The following TRPS1 variants were observed in gnomAD, a reference collection of about 807,000 sequenced individuals.
The protein encoded by TRPS1 is transcriptional repressor GATA binding 1.
In TRPS1, 6 loss-of-function variants were observed where a neutral mutation model predicts 101.2. The observed-to-expected ratio is 0.06, with a 90% CI of 0.03 to 0.12. TRPS1 has a LOEUF of 0.12. TRPS1 is among the 10% of genes least tolerant of loss of function. The pLI is 1.00. For missense variants in TRPS1, 1,363 were observed against 1,567.0 expected (o/e 0.87, Z 2.20); for synonymous variants, 578 against 589.8 (o/e 0.98, Z 0.29).
At chr8:115,485,079 C>T (rs552124177) in intron 5 of TRPS1, among the ~76,000 whole-genome samples, 2 of 152,178 alleles carry the variant, frequency 1.3e-5, no homozygotes, top group African/African-American at 4.8e-5. Context: ...GTTGACCTTA[C>T]AACAGGAGGT....
At chr8:115,478,113 A>T (rs930994201) in intron 5 of TRPS1, among the ~76,000 whole-genome samples, 2 of 152,208 alleles carry the variant, frequency 1.3e-5, no homozygotes, top group African/African-American at 2.4e-5. Flanking sequence ...ATGCTGATTT[A>T]AAATTCTGAT....
intron 4 of TRPS1, among the ~76,000 whole-genome samples, chr8:115,599,268 C>T (rs1024679378): frequency 6.6e-6 from 1 of 151,880 alleles, no homozygotes; most frequent in Non-Finnish European, 1.5e-5. Context: ...TTTTAAGTTT[C>T]GAGAGTTATA....
intron 5 of TRPS1, among the ~76,000 whole-genome samples, chr8:115,510,104 G>A (rs1815545389): frequency 6.6e-6 from 1 of 151,820 alleles, no homozygotes; most frequent in South Asian, 2.1e-4. Context: ...AAATCTCCTG[G>A]ATTCAAATTA....
rs1429630092 is a variant in TRPS1 at position 115,414,502 on chromosome 8, C to T, written c.3406G>A (p.Gly1136Arg). 30 of 1,613,844 alleles carry T rather than the reference C, an allele frequency of 1.9e-5. No homozygotes were observed. Among genetic ancestry groups the T allele is most frequent in the Non-Finnish European group, 2.4e-5 (28 of 1,179,938 alleles). ...ACGTGACTCAAGTAGTGCGGATTCC[C>T]AGGAACGGAGAGCTTATATTTACTC... is the stretch of plus-strand genomic sequence containing the variant. ...FWSKYKLSVP[G>R]NPHYLSHVPG... is the part of the protein sequence containing the mutation. Residue 1136 changes from glycine to arginine, a missense_variant, in exon 7 of 7, where the codon GGG becomes AGG. Transcript: ENST00000395715. The surrounding 1 kb of genome is among the most constrained non-coding windows in gnomAD (Gnocchi z 4.8).
At chr8:115,495,976 C>T (rs1415868536) in intron 5 of TRPS1, among the ~76,000 whole-genome samples, 1 of 152,120 alleles carries the variant, frequency 6.6e-6, no homozygotes, top group Non-Finnish European at 1.5e-5. Context: ...CCAATTGTCA[C>T]TTTATATTAA....
At chr8:115,513,836 T>C (rs1815643724) in intron 5 of TRPS1, among the ~76,000 whole-genome samples, 1 of 151,690 alleles carries the variant, frequency 6.6e-6, no homozygotes, top group Admixed American at 6.6e-5. Context: ...TTCTGTTGAA[T>C]AGTGTCCTGT....
intron 5 of TRPS1, among the ~76,000 whole-genome samples, chr8:115,549,449 TAA>T (rs754198820): frequency 1.3e-5 from 2 of 152,190 alleles, no homozygotes; most frequent in East Asian, 1.9e-4. Flanking sequence ...GCAAAAGTTA[TAA>T]GTTTTAATAC....
rs781105371 is a variant in TRPS1 at position 115,619,921 on chromosome 8, C to T, written c.177G>A (p.Thr59=). 5.3e-5 allele frequency: 85 copies of T among 1,614,026 alleles called. No individual in the cohort carries two copies. Among genetic ancestry groups the T allele is most frequent in the Non-Finnish European group, 6.3e-5 (74 of 1,180,030 alleles). The part of the protein sequence containing the change: ...EFSADQMSEN[T]DQSDAAELNH... The stretch of plus-strand genomic sequence containing the variant: ...TTAGTTCTGCAGCATCACTCTGATC[C>T]GTATTTTCTGACATCTGATCTGCAG... The change falls in exon 3 of 7, where the codon ACG becomes ACA. Residue 59 remains threonine (T), a synonymous_variant. Coordinates refer to ENST00000395715, the MANE Select transcript of TRPS1 (RefSeq NM_014112.5).
chr8:115,500,194 C>G (rs1278612651), intron 5 of TRPS1, among the ~76,000 whole-genome samples: 14 of 151,774 alleles, frequency 9.2e-5, no homozygotes, highest in Admixed American at 8.5e-4. Context: ...CACGCCCGGC[C>G]AATTTTTGTA....
At position 115,499,952 on chromosome 8, in the gene TRPS1, TTTCTTTC is replaced by T. The variant is rs764765004; in HGVS notation, c.2701-81507_2701-81501del. On this transcript the variant is annotated intron_variant, in intron 5 of 6. Coordinates refer to ENST00000395715, the MANE Select transcript of TRPS1 (RefSeq NM_014112.5). ...CTTTCTTTCTTTCTTTCTTTCTTTC[TTTCTTTC>T]TTTCTTTTCTTTTCTTTTCTTTTCT... Among the ~76,000 whole-genome samples the T allele has an allele frequency of 1.7e-3, 87 of 52,466 alleles. 1 individual carries two copies. Among genetic ancestry groups the T allele is most frequent in the Admixed American group, 5.9e-3 (31 of 5,238 alleles). The allele number at this position is 52,466 out of a possible 152,430, so 34.4% of individuals were successfully genotyped here. A position where few individuals can be genotyped will look rare whatever the true frequency, so the allele number is the denominator to read the frequency against.
intron 5 of TRPS1, among the ~76,000 whole-genome samples, chr8:115,536,384 G>A (rs1257358541): frequency 1.3e-5 from 2 of 152,054 alleles, no homozygotes; most frequent in East Asian, 1.9e-4. Flanking sequence ...TTAGCCAGGC[G>A]TGGTGGCGGG....
At chr8:115,633,067 C>A (rs995700972) in intron 1 of TRPS1, among the ~76,000 whole-genome samples, 5 of 151,968 alleles carry the variant, frequency 3.3e-5, no homozygotes, top group Non-Finnish European at 2.9e-5. Flanking sequence ...CTTTGAGCTG[C>A]GATATTTTGA....
At chr8:115,456,352 C>T (rs1004905030) in intron 5 of TRPS1, among the ~76,000 whole-genome samples, 2 of 151,856 alleles carry the variant, frequency 1.3e-5, no homozygotes, top group Non-Finnish European at 2.9e-5. Context: ...AATTTTTAGC[C>T]CCTTTCTTTC....
chr8:115,606,965 A>G (rs1039456218), intron 3 of TRPS1, among the ~76,000 whole-genome samples: 15 of 152,114 alleles, frequency 9.9e-5, no homozygotes, highest in Admixed American at 9.2e-4. Context: ...AAATCTAGAG[A>G]TAAAAATTTT....
chr8:115,587,294 G>T lies in TRPS1; in HGVS notation c.2407C>A (p.Arg803Ser), dbSNP rs377383496. 2 of 1,614,182 alleles carry T rather than the reference G, an allele frequency of 1.2e-6. No homozygotes were observed. The highest frequency in any genetic ancestry group is 8.5e-7 in the Non-Finnish European group (1 of 1,180,022). ...TCTGCCCCTCTCCAAGTCACATTGC[G>T]AAGGTCATCACTGGAACTCTCGGTC... ...VWTESSSDDL[R>S]NVTWRGADIL... The change falls in exon 5 of 7, where the codon CGC (arginine) becomes AGC (serine). Residue 803 changes from arginine (R) to serine (S), a missense_variant. Arg to Ser is a moderately radical substitution (Grantham distance 110). Transcript: ENST00000395715.
intron 5 of TRPS1, among the ~76,000 whole-genome samples, chr8:115,548,705 A>T (rs1816636182): frequency 6.6e-6 from 1 of 152,222 alleles, no homozygotes; most frequent in Non-Finnish European, 1.5e-5. Flanking sequence ...TATATTTCTA[A>T]TAGGCATATT....
In TRPS1 at chr8:115,410,637, C is replaced by CT. The variant is rs1812767377; in HGVS notation, c.*3385dup. On this transcript the variant is annotated 3_prime_UTR_variant, in exon 7 of 7. Coordinates refer to ENST00000395715, the MANE Select transcript of TRPS1 (RefSeq NM_014112.5). ...CACAACGTTCTGAGATGGGTTGGCT[C>CT]TTTATGATTTTTCTATCCCAAACAA... is the stretch of plus-strand genomic sequence containing the variant. 6.6e-6 allele frequency: 1 copy of CT among 152,370 alleles called. No homozygotes were observed. The highest frequency in any genetic ancestry group is 6.6e-5 in the Admixed American group (1 of 15,230). The allele number at this position is 152,370 out of a possible 1,614,324, so 9.4% of individuals were successfully genotyped here. A position where few individuals can be genotyped will look rare whatever the true frequency, so the allele number is the denominator to read the frequency against.
rs73705185 is a variant in TRPS1, at chr8:115,409,734, C to T, written c.*4289G>A. ...TGCCCTCCAAAGTCCCGACGGGCGT[C>T]CTTCTATCTTCTTCTCATTTGCAGT... On this transcript the variant is annotated 3_prime_UTR_variant, in exon 7 of 7. Transcript: ENST00000395715. 2.6e-5 allele frequency: 4 copies of T among 152,082 alleles called. No individual in the cohort carries two copies. The highest frequency in any genetic ancestry group is 5.9e-5 in the Non-Finnish European group (4 of 67,988). The allele number at this position is 152,082 out of a possible 1,614,324, so 9.4% of individuals were successfully genotyped here. A position where few individuals can be genotyped will look rare whatever the true frequency, so the allele number is the denominator to read the frequency against.
At chr8:115,565,390 AACATCTGAATGGTTCATATTGCCGAGAAG>A (rs1295671862) in intron 5 of TRPS1, among the ~76,000 whole-genome samples, 1 of 152,144 alleles carries the variant, frequency 6.6e-6, no homozygotes, top group Non-Finnish European at 1.5e-5. Context: ...GAGGTGGAGG[AACATCTGAATGGTTCATATTGCCGAGAAG>A]ACATGAATTA....
Sources: allele counts gnomAD v4.1 joint callset (sites outside exome capture counted in the v4.1 genomes callset), GRCh38; gene constraint gnomAD v4.1.1; non-coding constraint Gnocchi (gnomAD v3.1); transcripts MANE v1.5; gene names NCBI Gene and HGNC (gene_info 2026-07-23, HGNC 2026-07-21).